Variants in KIF21A observed in about 807,000 individuals in gnomAD.
KIF21A encodes kinesin family member 21A.
In KIF21A, 114 loss-of-function variants were observed where a neutral mutation model predicts 202.9. That is an observed-to-expected ratio of 0.56 (90% CI 0.48 to 0.66). The LOEUF (loss-of-function observed/expected upper bound fraction) is 0.66. Ranked by LOEUF, KIF21A falls within the 30% of genes least tolerant of loss-of-function variation. KIF21A has a pLI of 0.00. For synonymous variants in KIF21A, 667 were observed against 670.8 expected (o/e 0.99, Z 0.09); for missense variants, 1,677 against 1,994.9 (o/e 0.84, Z 3.04).
chr12:39,436,448 A>ATATATATATTT (rs1387332677), intron 1 of KIF21A, among the ~76,000 whole-genome samples: 4 of 95,764 alleles, frequency 4.2e-5, no homozygotes, highest in Non-Finnish European at 5.9e-5. Flanking sequence ...ATATATATAT[A>ATATATATATTT]TTTTTTTTTT....
intron 37 of KIF21A, among the ~76,000 whole-genome samples, chr12:39,300,378 G>GA (rs946992654): frequency 6.6e-5 from 10 of 151,874 alleles, no homozygotes; most frequent in Admixed American, 3.3e-4. Context: ...AAGCACGTTA[G>GA]AAAAACAAAA....
chr12:39,358,293 C>T lies in KIF21A; in HGVS notation c.1100G>A (p.Arg367Gln), dbSNP rs765481237. Residue 367 changes from arginine to glutamine, a missense_variant, in exon 8 of 38, where the codon CGA (arginine) becomes CAA (glutamine). Transcript: ENST00000361418. ...ETLNTLKYAN[R>Q]ARNIKNKVMV... is the part of the protein sequence containing the mutation. The stretch of plus-strand genomic sequence containing the variant: ...CACCTTATTCTTGATATTTCTAGCT[C>T]GATTGGCGTATTTCAGGGTGTTTAA... 11 of 1,613,908 alleles carry T rather than the reference C, an allele frequency of 6.8e-6. No individual in the cohort carries two copies. Among genetic ancestry groups the T allele is most frequent in the Non-Finnish European group, 7.6e-6 (9 of 1,179,964 alleles).
intron 14 of KIF21A, 68 bp downstream of exon 14, chr12:39,341,437 G>A: frequency 1.4e-6 from 2 of 1,441,244 alleles, no homozygotes; most frequent in Admixed American, 1.7e-5. Context: ...AGAATGTTAA[G>A]AGTTTTCTGT....
chr12:39,407,010 A>G lies in KIF21A; in HGVS notation c.44+35917T>C, dbSNP rs561030877. Among the ~76,000 whole-genome samples, 10 of 152,306 alleles carry G rather than the reference A, an allele frequency of 6.6e-5. 1 individual carries two copies. Among genetic ancestry groups the G allele is most frequent in the African/African-American group, 2.4e-4 (10 of 41,558 alleles). ...ATACTTTGCTTTCAATATTGTTAAA[A>G]TGAATGCACACTCCCTGCTCCTGTT... is the stretch of plus-strand genomic sequence containing the variant. On this transcript the variant is annotated intron_variant, in intron 1 of 37. Coordinates refer to ENST00000361418, the MANE Select transcript of KIF21A (RefSeq NM_001173464.2).
intron 1 of KIF21A, among the ~76,000 whole-genome samples, chr12:39,397,736 C>T (rs1434910914): frequency 6.6e-6 from 1 of 152,130 alleles, no homozygotes; most frequent in East Asian, 1.9e-4. Flanking sequence ...TTCACCAATT[C>T]CCCCAAATAA....
intron 1 of KIF21A, among the ~76,000 whole-genome samples, chr12:39,378,307 A>G (rs1188914482): frequency 1.3e-5 from 2 of 152,206 alleles, no homozygotes; most frequent in Non-Finnish European, 2.9e-5. Context: ...CAAGGGGGTA[A>G]CATTGTGCCA....
At chr12:39,416,763 G>GTGTATATATATGTACATATATATGTGTA (rs1953739806) in intron 1 of KIF21A, among the ~76,000 whole-genome samples, 1 of 88,530 alleles carries the variant, frequency 1.1e-5, no homozygotes, top group South Asian at 4.4e-4. Flanking sequence ...ATATATATGT[G>GTGTATATATATGTACATATATATGTGTA]TATATATATA....
intron 37 of KIF21A, among the ~76,000 whole-genome samples, chr12:39,296,383 T>A (rs967620156): frequency 4.0e-5 from 6 of 151,812 alleles, no homozygotes; most frequent in African/African-American, 1.2e-4. Context: ...TATGCTGTTT[T>A]AAAAAAAACA....
intron 1 of KIF21A, among the ~76,000 whole-genome samples, chr12:39,397,050 C>T (rs1225383330): frequency 1.3e-4 from 19 of 151,990 alleles, no homozygotes; most frequent in Non-Finnish European, 1.9e-4. Flanking sequence ...TGCCTGAGAC[C>T]GACTATTTAT....
At position 39,331,793 on chromosome 12, in the gene KIF21A, T is replaced by C; in HGVS notation, c.3052-2A>G. The C allele has an allele frequency of 6.2e-7, 1 of 1,604,844 alleles. No individual in the cohort carries two copies. The highest frequency in any genetic ancestry group is 8.5e-7 in the Non-Finnish European group (1 of 1,171,646). On this transcript the variant is annotated splice_acceptor_variant, in intron 21 of 37. Coordinates refer to ENST00000361418, the MANE Select transcript of KIF21A (RefSeq NM_001173464.2). LOFTEE classifies it high-confidence loss of function. ...AACATCCAATGTCTCACCTTCTTCC[T>C]GTATAAAATCAGCATAATATGATGA...
chr12:39,316,124 G>A (rs1944513134), intron 29 of KIF21A, among the ~76,000 whole-genome samples, 154 bp from the exon 30 acceptor site: 1 of 152,016 alleles, frequency 6.6e-6, no homozygotes, highest in South Asian at 2.1e-4. Context: ...CTGGATATTA[G>A]CATGTTTAAA....
At chr12:39,376,111 C>T (rs762026775) in intron 1 of KIF21A, among the ~76,000 whole-genome samples, 1 of 152,030 alleles carries the variant, frequency 6.6e-6, no homozygotes, top group East Asian at 1.9e-4. Context: ...CGTTTGGATA[C>T]CTTGAGTCCC....
intron 17 of KIF21A, among the ~76,000 whole-genome samples, chr12:39,335,864 C>G (rs555627406): frequency 5.9e-5 from 9 of 152,074 alleles, no homozygotes; most frequent in Non-Finnish European, 1.0e-4. Context: ...ATAAACATAA[C>G]CAAAATAGGG....
chr12:39,338,410 T>C (rs970188471), intron 16 of KIF21A, among the ~76,000 whole-genome samples: 1 of 152,144 alleles, frequency 6.6e-6, no homozygotes, highest in East Asian at 1.9e-4. Context: ...ATAAAAAAAA[T>C]TACAGTAAGC....
rs79447841 is a variant in KIF21A, at chr12:39,369,644, T to C, written c.450+85A>G. 1.5e-4 allele frequency: 152 copies of C among 989,598 alleles called. No individual in the cohort carries two copies. The East Asian group carries it at 3.4e-3, about 22-fold the overall frequency. The allele number at this position is 989,598 out of a possible 1,614,324, so 61.3% of individuals were successfully genotyped here. A position where few individuals can be genotyped will look rare whatever the true frequency, so the allele number is the denominator to read the frequency against. On this transcript the variant is annotated intron_variant, in intron 3 of 37. Coordinates refer to ENST00000361418, the MANE Select transcript of KIF21A (RefSeq NM_001173464.2). ...ATTGAGTACTATCTTCAAAGCACTA[T>C]ACTTGAAGCCAACAGTATAAAATCA...
At position 39,315,252 on chromosome 12, in the gene KIF21A, C is replaced by T; in HGVS notation, c.3948-12G>A. ...ACCTTCTGGAGGATCTGCTGATGAT[C>T]AGCAAAAATGGCCATAAAACAAGGA... On this transcript the variant is annotated splice_polypyrimidine_tract_variant and intron_variant, in intron 30 of 37. Coordinates refer to ENST00000361418, the MANE Select transcript of KIF21A (RefSeq NM_001173464.2). 1 of 1,610,950 alleles carries T rather than the reference C, an allele frequency of 6.2e-7. No homozygotes were observed. Among genetic ancestry groups the T allele is most frequent in the South Asian group, 1.1e-5 (1 of 90,900 alleles).
At chr12:39,429,033 GTA>G (rs560435750) in intron 1 of KIF21A, among the ~76,000 whole-genome samples, 26 of 151,774 alleles carry the variant, frequency 1.7e-4, no homozygotes, top group African/African-American at 5.8e-4. Flanking sequence ...TAAATATAAA[GTA>G]TGTGTGTGTG....
chr12:39,361,280 C>T (rs1007578070), intron 7 of KIF21A, among the ~76,000 whole-genome samples: 6 of 151,960 alleles, frequency 3.9e-5, no homozygotes, highest in African/African-American at 1.4e-4. Flanking sequence ...TTAGAAAACC[C>T]GAAAAAATTT....
intron 1 of KIF21A, among the ~76,000 whole-genome samples, chr12:39,419,269 G>C (rs1360564224): frequency 1.3e-5 from 2 of 152,128 alleles, no homozygotes; most frequent in Admixed American, 1.3e-4. Context: ...AGGAATCTTG[G>C]AGGAGATCCT....
Sources: allele counts gnomAD v4.1 joint callset (sites outside exome capture counted in the v4.1 genomes callset), GRCh38; gene constraint gnomAD v4.1.1; transcripts MANE v1.5; gene names NCBI Gene and HGNC (gene_info 2026-07-23, HGNC 2026-07-21).